NTM: variants seen among roughly 807,000 people sequenced by gnomAD.
The protein encoded by NTM is IgLON family member 2.
Under a neutral mutation model 42.1 loss-of-function variants are expected in NTM, and 13 were observed. That is an observed-to-expected ratio of 0.31 (90% CI 0.20 to 0.49). The LOEUF (loss-of-function observed/expected upper bound fraction) is 0.49, where lower values mean the gene tolerates loss of function less well. Among genes scored for constraint, NTM ranks in the 20% least tolerant of loss-of-function variants. The pLI, the probability that NTM is intolerant of heterozygous loss-of-function variation, is 0.99. For missense variants in NTM, 373 were observed against 452.8 expected, an observed-to-expected ratio of 0.82 and a Z score of 1.60; for synonymous variants, 187 against 179.2, an observed-to-expected ratio of 1.04 and a Z score of -0.35.
At chr11:132,101,388 G>T (rs1368520762) in intron 2 of NTM, among the ~76,000 whole-genome samples, 1 of 152,140 alleles carries the variant, frequency 6.6e-6, no homozygotes, top group Non-Finnish European at 1.5e-5. Context: ...GTGACCTTCA[G>T]CTCCTCAATA....
intron 2 of NTM, among the ~76,000 whole-genome samples, chr11:131,938,699 C>A (rs1012799423): frequency 1.3e-5 from 2 of 152,184 alleles, no homozygotes; most frequent in South Asian, 2.1e-4. Context: ...GTGGCTGTGC[C>A]TATAAGAGGT....
intron 2 of NTM, among the ~76,000 whole-genome samples, chr11:132,060,937 A>G (rs2080561944): frequency 6.6e-6 from 1 of 152,228 alleles, no homozygotes; most frequent in Non-Finnish European, 1.5e-5. Flanking sequence ...CACTTTTGCT[A>G]TGTTGAAAAA....
chr11:131,391,182 T>C (rs1270563772), intron 1 of NTM, among the ~76,000 whole-genome samples: 1 of 152,210 alleles, frequency 6.6e-6, no homozygotes, highest in Non-Finnish European at 1.5e-5. Flanking sequence ...ATTTTAGTGC[T>C]GAGAATATTT....
chr11:131,544,196 G>A (rs1017363393), intron 1 of NTM, among the ~76,000 whole-genome samples: 6 of 152,122 alleles, frequency 3.9e-5, no homozygotes, highest in African/African-American at 1.4e-4. Context: ...TCTCTTTCTG[G>A]CACTTGGAAT....
At chr11:132,239,561 GA>G (rs1405216911) in intron 4 of NTM, among the ~76,000 whole-genome samples, 2 of 152,090 alleles carry the variant, frequency 1.3e-5, no homozygotes, top group Non-Finnish European at 2.9e-5. Flanking sequence ...GAGAGAGACA[GA>G]AAAAAAGTCT....
chr11:132,138,346 T>A (rs963620878), intron 2 of NTM, among the ~76,000 whole-genome samples: 3 of 152,122 alleles, frequency 2.0e-5, no homozygotes, highest in African/African-American at 7.2e-5. Context: ...TGCCGGTATA[T>A]GAATTAATAT....
At chr11:131,967,507 G>T (rs945383241) in intron 2 of NTM, among the ~76,000 whole-genome samples, 1 of 152,122 alleles carries the variant, frequency 6.6e-6, no homozygotes, top group African/African-American at 2.4e-5. Context: ...CTGGTGCACC[G>T]AGCCACATGA....
At chr11:131,634,735 TTTG>T (rs909258389) in intron 1 of NTM, among the ~76,000 whole-genome samples, 42 of 152,314 alleles carry the variant, frequency 2.8e-4, no homozygotes, top group African/African-American at 7.9e-4. Flanking sequence ...CAGCAATATT[TTTG>T]TTGTTGTTGT....
intron 4 of NTM, among the ~76,000 whole-genome samples, chr11:132,252,131 G>T (rs1842129275): frequency 6.6e-6 from 1 of 152,082 alleles, no homozygotes; most frequent in African/African-American, 2.4e-5. Flanking sequence ...CTTAGCCAGG[G>T]CTGGCCGCTC....
In NTM at chr11:131,526,424, G is replaced by A. The variant is rs114064321; in HGVS notation, c.82+155536G>A. On this transcript the variant is annotated intron_variant, in intron 1 of 8. Coordinates refer to ENST00000683400, the MANE Select transcript of NTM (RefSeq NM_001352005.2). ...ATGGGAGCGTGCATCTCCAATGTCC[G>A]CTTGGATTGTCAGCTTTCTTTGGAA... Among the ~76,000 whole-genome samples, 1,227 of 152,316 alleles carry A rather than the reference G, an allele frequency of 8.1e-3. 18 individuals are homozygous for A. Among genetic ancestry groups the A allele is most frequent in the African/African-American group, 0.027 (1,104 of 41,554 alleles).
intron 1 of NTM, among the ~76,000 whole-genome samples, chr11:131,743,736 C>A (rs1190703423): frequency 6.6e-6 from 1 of 152,154 alleles, no homozygotes; most frequent in African/African-American, 2.4e-5. Context: ...TCGTGTGAAA[C>A]AGTGAAAGCA....
chr11:132,275,749 T>TATATATATAC (rs1491320001), intron 4 of NTM, among the ~76,000 whole-genome samples: 622 of 20,532 alleles, frequency 0.03, 10 homozygotes, highest in African/African-American at 0.12. Flanking sequence ...TATATATATG[T>TATATATATAC]GTATATATAT....
chr11:131,684,606 G>T (rs1485308520), intron 1 of NTM, among the ~76,000 whole-genome samples: 1 of 152,242 alleles, frequency 6.6e-6, no homozygotes, highest in Non-Finnish European at 1.5e-5. Context: ...GGGACCTGCA[G>T]GTGGACATTT....
intron 1 of NTM, among the ~76,000 whole-genome samples, chr11:131,694,081 A>G (rs2075129675): frequency 6.6e-6 from 1 of 152,200 alleles, no homozygotes; most frequent in Non-Finnish European, 1.5e-5. Context: ...ACATGGATCT[A>G]ACACTTGTTC....
intron 1 of NTM, among the ~76,000 whole-genome samples, chr11:131,486,624 C>T (rs146459947): frequency 8.5e-4 from 129 of 152,288 alleles, no homozygotes; most frequent in African/African-American, 3.0e-3. Context: ...CATACAATTC[C>T]GCCTTTTGGA....
chr11:132,088,502 G>A (rs907641882), intron 2 of NTM, among the ~76,000 whole-genome samples: 1 of 152,124 alleles, frequency 6.6e-6, no homozygotes, highest in African/African-American at 2.4e-5. Flanking sequence ...TAAGTGAAAA[G>A]AAAGCTGTCA....
chr11:131,883,089 GC>G (rs754252717), intron 1 of NTM, among the ~76,000 whole-genome samples: 22 of 152,246 alleles, frequency 1.4e-4, no homozygotes, highest in Non-Finnish European at 2.9e-4. Context: ...GTGCTCCGTA[GC>G]CTCACACCCA....
chr11:131,919,526 C>T (rs1328567376), intron 2 of NTM, among the ~76,000 whole-genome samples: 1 of 151,964 alleles, frequency 6.6e-6, no homozygotes. Context: ...TCGTAGGTAC[C>T]AGGAGGGGTA....
chr11:132,037,868 T>C (rs989395955), intron 2 of NTM, among the ~76,000 whole-genome samples: 1 of 152,260 alleles, frequency 6.6e-6, no homozygotes, highest in East Asian at 1.9e-4. Flanking sequence ...GACAGCCATA[T>C]GCTACTATGC....
Sources: allele counts gnomAD v4.1 joint callset (sites outside exome capture counted in the v4.1 genomes callset), GRCh38; gene constraint gnomAD v4.1.1; transcripts MANE v1.5; gene names NCBI Gene and HGNC (gene_info 2026-07-23, HGNC 2026-07-21).